The following TRIM36 variants were observed in gnomAD, a reference collection of about 807,000 sequenced individuals.
The protein encoded by TRIM36 is tripartite motif containing 36, also known as E3 ubiquitin-protein ligase TRIM36.
Under a neutral mutation model 72.4 loss-of-function variants are expected in TRIM36, and 42 were observed. The ratio of observed to expected loss-of-function variants is 0.58; its 90% CI spans 0.45 to 0.75. The LOEUF is 0.75. TRIM36 is among the 30% of genes least tolerant of loss of function. TRIM36 has a pLI of 0.00. For synonymous variants in TRIM36, 315 were observed against 282.8 expected, an observed-to-expected ratio of 1.11 and a Z score of -1.14; for missense variants, 913 against 857.1, an observed-to-expected ratio of 1.07 and a Z score of -0.81.
chr5:115,148,182 G>A (rs1013009085), intron 2 of TRIM36, among the ~76,000 whole-genome samples: 9 of 152,050 alleles, frequency 5.9e-5, no homozygotes, highest in Non-Finnish European at 1.3e-4. Flanking sequence ...GAATCATTAA[G>A]ATTACTTAAC....
chr5:115,147,204 T>A lies in TRIM36; in HGVS notation c.453A>T (p.Pro151=). 1 of 1,614,128 alleles carries A rather than the reference T, an allele frequency of 6.2e-7. No individual in the cohort carries two copies. Among genetic ancestry groups the A allele is most frequent in the South Asian group, 1.1e-5 (1 of 91,070 alleles). ...TGCAGCTTTTTGTGGATTCTTGAGG[T>A]GGTGGTTTACAAAGGTCACACATAA... ...TAIMCDLCKP[P]PQESTKSCMD... is the part of the protein sequence containing the mutation. Residue 151 remains proline, a synonymous_variant, in exon 3 of 10, where the codon CCA becomes CCT. Transcript: ENST00000513154.
chr5:115,170,609 C>G (rs754359013), upstream of TRIM36, among the ~76,000 whole-genome samples: 1 of 152,254 alleles, frequency 6.6e-6, no homozygotes, highest in Non-Finnish European at 1.5e-5. Context: ...CCTGACTGGG[C>G]ACCGAGCAGT....
chr5:115,129,940 G>C (rs774632248), intron 9 of TRIM36, among the ~76,000 whole-genome samples: 1 of 152,012 alleles, frequency 6.6e-6, no homozygotes, highest in African/African-American at 2.4e-5. Flanking sequence ...TTTCTATCAA[G>C]TGGACATGTC....
chr5:115,169,925 G>A (rs754867762), upstream of TRIM36: 8 of 1,276,944 alleles, frequency 6.3e-6, no homozygotes, highest in South Asian at 2.3e-5. Flanking sequence ...GAACGGCGCC[G>A]CGCAGAGACC....
At chr5:115,162,014 G>GT (rs1491315954) in intron 2 of TRIM36, among the ~76,000 whole-genome samples, 2 of 152,106 alleles carry the variant, frequency 1.3e-5, no homozygotes, top group East Asian at 3.8e-4. Context: ...GTGTGTGCGC[G>GT]TGTGTCTTCT....
intron 2 of TRIM36, chr5:115,159,632 ATT>A (rs1561441669): frequency 2.2e-6 from 1 of 454,102 alleles, no homozygotes; most frequent in Non-Finnish European, 4.4e-6. Flanking sequence ...GCAATAAAAC[ATT>A]TTCTACCTCT....
At chr5:115,161,711 A>G (rs1476846459) in intron 2 of TRIM36, among the ~76,000 whole-genome samples, 1 of 152,152 alleles carries the variant, frequency 6.6e-6, no homozygotes, top group African/African-American at 2.4e-5. Flanking sequence ...GTCCCAAACC[A>G]CACTCTACTT....
intron 5 of TRIM36, 42 bp from the exon 6 acceptor site, chr5:115,137,658 AG>A: frequency 6.6e-7 from 1 of 1,513,174 alleles, no homozygotes; most frequent in Middle Eastern, 2.5e-4. Context: ...GATAAAACAA[AG>A]AATAGCCTCT....
intron 4 of TRIM36, among the ~76,000 whole-genome samples, chr5:115,143,222 CAAAAAAAAAAAAAAAAAA>C (rs59083853): frequency 1.7e-5 from 1 of 57,488 alleles, no homozygotes; most frequent in African/African-American, 8.0e-5. Flanking sequence ...ACCAGCCAGA[CAAAAAAAAAAAAAAAAAA>C]AAAAAAAAAC....
chr5:115,163,424 A>T, intron 2 of TRIM36, 94 bp downstream of exon 2: 1 of 1,086,138 alleles, frequency 9.2e-7, no homozygotes, highest in Non-Finnish European at 1.3e-6. Context: ...TTAACTCTCA[A>T]GATGACAAAA....
At chr5:115,140,613 T>A (rs562669071) in intron 5 of TRIM36, among the ~76,000 whole-genome samples, 1 of 152,282 alleles carries the variant, frequency 6.6e-6, no homozygotes, top group African/African-American at 2.4e-5. Flanking sequence ...AACATCATCA[T>A]CTAGTTTCAC....
intron 3 of TRIM36, 27 bp from the exon 4 acceptor site, chr5:115,144,771 T>C (rs1264934990): frequency 6.3e-7 from 1 of 1,589,000 alleles, no homozygotes; most frequent in Admixed American, 1.8e-5. Context: ...AAAAGTGTGA[T>C]TAAGGATCTA....
At chr5:115,169,196 G>A (rs1174320942) in intron 1 of TRIM36, 1 of 174,986 alleles carries the variant, frequency 5.7e-6, no homozygotes, top group East Asian at 1.5e-4. Flanking sequence ...CAGCCGGCCG[G>A]GCCCGCGGGG....
chr5:115,143,994 T>C (rs975611659), intron 4 of TRIM36, among the ~76,000 whole-genome samples: 1 of 151,950 alleles, frequency 6.6e-6, no homozygotes, highest in Admixed American at 6.6e-5. Flanking sequence ...CCTCAGCCTC[T>C]TGAGTAGCTG....
intron 1 of TRIM36, among the ~76,000 whole-genome samples, chr5:115,164,210 GTA>G (rs1168799472): frequency 6.6e-6 from 1 of 152,172 alleles, no homozygotes; most frequent in Non-Finnish European, 1.5e-5. Context: ...AGCTGAGTCA[GTA>G]TGTTCATGGA....
At chr5:115,147,831 C>T (rs901569582) in intron 2 of TRIM36, among the ~76,000 whole-genome samples, 102 of 152,280 alleles carry the variant, frequency 6.7e-4, no homozygotes, top group African/African-American at 2.3e-3. Context: ...GAGCAGGGGT[C>T]CCTAGCACAA....
At chr5:115,143,364 C>G (rs1753390409) in intron 4 of TRIM36, among the ~76,000 whole-genome samples, 2 of 151,526 alleles carry the variant, frequency 1.3e-5, no homozygotes, top group Admixed American at 6.6e-5. Context: ...CACAAAAGAC[C>G]CAAACGTTTC....
Position 115,124,894 on chromosome 5 carries a change from G to C in TRIM36, c.*1609C>G, listed in dbSNP as rs1289171609. The C allele has an allele frequency of 6.6e-6, 1 of 152,514 alleles. No homozygotes were observed. The highest frequency in any genetic ancestry group is 1.5e-5 in the Non-Finnish European group (1 of 67,942). 9.4% of individuals were successfully genotyped at this position (152,514 alleles called of 1,614,324 possible). ...AAAAATGTCTACATCATATGTGCTT[G>C]TACAAGGCTTGAGTATCAACCACAA... On this transcript the variant is annotated 3_prime_UTR_variant, in exon 10 of 10. Coordinates refer to ENST00000513154, the MANE Select transcript of TRIM36 (RefSeq NM_001300759.2).
chr5:115,165,609 C>T (rs991382283), intron 1 of TRIM36, among the ~76,000 whole-genome samples: 4 of 152,318 alleles, frequency 2.6e-5, no homozygotes, highest in African/African-American at 9.6e-5. Context: ...GGAGCAGCTG[C>T]TGCAAAGATG....
Sources: allele counts gnomAD v4.1 joint callset (sites outside exome capture counted in the v4.1 genomes callset), GRCh38; gene constraint gnomAD v4.1.1; transcripts MANE v1.5; gene names NCBI Gene and HGNC (gene_info 2026-07-23, HGNC 2026-07-21).